SUPT3H: variants seen among roughly 807,000 people sequenced by gnomAD.
SUPT3H encodes the protein SPT3 homolog, SAGA and STAGA complex component.
In SUPT3H, 44 loss-of-function variants were observed where a neutral mutation model predicts 44.3. That is an observed-to-expected ratio of 0.99 (90% CI 0.78 to 1.28). The LOEUF (loss-of-function observed/expected upper bound fraction) is 1.28. Ranked by LOEUF, SUPT3H falls within the 50% of genes most tolerant of loss-of-function variation. The probability of loss-of-function intolerance (pLI) is 0.00; values close to 1 mark genes in which losing one functional copy is unlikely to be tolerated. For synonymous variants in SUPT3H, 124 were observed against 125.6 expected, an observed-to-expected ratio of 0.99 and a Z score of 0.09; for missense variants, 380 against 387.1, an observed-to-expected ratio of 0.98 and a Z score of 0.15.
intron 3 of SUPT3H, among the ~76,000 whole-genome samples, chr6:45,037,268 G>C (rs1446151225): frequency 4.0e-5 from 6 of 151,734 alleles, no homozygotes; most frequent in Admixed American, 3.3e-4. Context: ...TGCAGTGGAA[G>C]GGGGTAAGAA....
At chr6:44,889,509 G>C (rs1582256210) in intron 10 of SUPT3H, among the ~76,000 whole-genome samples, 1 of 152,242 alleles carries the variant, frequency 6.6e-6, no homozygotes, top group African/African-American at 2.4e-5. Flanking sequence ...TAAGCAATGG[G>C]GAAAGGAATC....
chr6:44,987,220 T>C (rs2153494304), intron 6 of SUPT3H, among the ~76,000 whole-genome samples: 2 of 143,364 alleles, frequency 1.4e-5, no homozygotes, highest in Middle Eastern at 3.9e-3. Context: ...CCTAATTAAC[T>C]CCCAAAGGTC....
intron 2 of SUPT3H, among the ~76,000 whole-genome samples, chr6:45,314,217 C>T (rs569206340): frequency 2.2e-4 from 34 of 152,234 alleles, no homozygotes; most frequent in African/African-American, 7.7e-4. Context: ...AAAGTATTCC[C>T]CCTGAGAATG....
chr6:45,373,548 T>C (rs553863894), intron 1 of SUPT3H, among the ~76,000 whole-genome samples: 50 of 151,162 alleles, frequency 3.3e-4, no homozygotes, highest in Non-Finnish European at 6.8e-4. Flanking sequence ...ATATTATTTG[T>C]GTGTGTGTGT....
chr6:45,220,040 C>CAAAAAAAAA (rs67960187), intron 2 of SUPT3H, among the ~76,000 whole-genome samples: 5 of 33,022 alleles, frequency 1.5e-4, no homozygotes, highest in African/African-American at 7.1e-4. Context: ...GACTCTGTCT[C>CAAAAAAAAA]AAAAAAAAAA....
At chr6:44,900,998 C>G (rs181300414) in intron 10 of SUPT3H, among the ~76,000 whole-genome samples, 2 of 152,106 alleles carry the variant, frequency 1.3e-5, no homozygotes, top group African/African-American at 4.8e-5. Context: ...ACAGAAGGAA[C>G]ATCCACACCA....
intron 10 of SUPT3H, among the ~76,000 whole-genome samples, chr6:44,893,603 T>G (rs1763660265): frequency 6.6e-6 from 1 of 152,198 alleles, no homozygotes; most frequent in South Asian, 2.1e-4. Context: ...TGCCACATTT[T>G]CTTAATCCAG....
chr6:45,285,975 G>A (rs1363554451), intron 2 of SUPT3H, among the ~76,000 whole-genome samples: 1 of 134,164 alleles, frequency 7.5e-6, no homozygotes, highest in Non-Finnish European at 1.6e-5. Flanking sequence ...TGACAAACGT[G>A]ACAAAAACAA....
chr6:45,185,033 C>A (rs1813947944), intron 2 of SUPT3H, among the ~76,000 whole-genome samples: 1 of 152,074 alleles, frequency 6.6e-6, no homozygotes, highest in Admixed American at 6.6e-5. Flanking sequence ...GGAAGTTTGG[C>A]AGGCTAATTT....
At chr6:44,935,112 T>C (rs866663616) in intron 9 of SUPT3H, among the ~76,000 whole-genome samples, 3 of 152,208 alleles carry the variant, frequency 2.0e-5, no homozygotes, top group Non-Finnish European at 2.9e-5. Flanking sequence ...TTATACTTTC[T>C]TGATTTGCTC....
chr6:45,284,011 T>G (rs1778701434), intron 2 of SUPT3H, among the ~76,000 whole-genome samples: 1 of 151,566 alleles, frequency 6.6e-6, no homozygotes, highest in South Asian at 2.1e-4. Context: ...AAATATGAAA[T>G]GAAAACAGAA....
chr6:45,202,098 G>A (rs1010369446), intron 2 of SUPT3H, among the ~76,000 whole-genome samples: 1 of 151,750 alleles, frequency 6.6e-6, no homozygotes, highest in African/African-American at 2.4e-5. Context: ...ATATTAAGGT[G>A]ACTTCATTTT....
chr6:45,132,525 A>G (rs1209894345), intron 2 of SUPT3H, among the ~76,000 whole-genome samples: 2 of 152,104 alleles, frequency 1.3e-5, no homozygotes, highest in African/African-American at 4.8e-5. Context: ...CTTTCCTGAA[A>G]CCAACACATT....
chr6:44,837,832 A>AT (rs1176111108), intron 10 of SUPT3H, among the ~76,000 whole-genome samples: 3 of 152,034 alleles, frequency 2.0e-5, no homozygotes, highest in South Asian at 2.1e-4. Flanking sequence ...AGATAATATA[A>AT]TTTTTTTTAC....
chr6:44,960,899 TA>T (rs1775932787), intron 7 of SUPT3H, among the ~76,000 whole-genome samples: 1 of 152,212 alleles, frequency 6.6e-6, no homozygotes, highest in Non-Finnish European at 1.5e-5. Context: ...TTGCACTTTA[TA>T]ATCTATAAAT....
In SUPT3H at chr6:45,105,802, T is replaced by C. The variant is rs1243366860; in HGVS notation, c.186+120A>G. ...AATTTTGTTATATATAAAGTATACT[T>C]CAATAATGCTAACAAAAAAGAATTC... On this transcript the variant is annotated intron_variant, in intron 3 of 10. Coordinates refer to ENST00000371459, the MANE Select transcript of SUPT3H (RefSeq NM_003599.4). 4.1e-6 allele frequency: 3 copies of C among 729,570 alleles called. No homozygotes were observed. In the African/African-American group the frequency reaches 5.3e-5, roughly 13 times the overall value. The allele number at this position is 729,570 out of a possible 1,614,324, so 45.2% of individuals were successfully genotyped here. A position where few individuals can be genotyped will look rare whatever the true frequency, so the allele number is the denominator to read the frequency against.
chr6:44,912,283 G>T (rs1227200648), intron 10 of SUPT3H, among the ~76,000 whole-genome samples: 1 of 152,054 alleles, frequency 6.6e-6, no homozygotes, highest in Non-Finnish European at 1.5e-5. Context: ...CTTTCTGCCT[G>T]TGTGAATTTG....
At chr6:45,311,488 G>A (rs1285563926) in intron 2 of SUPT3H, among the ~76,000 whole-genome samples, 3 of 152,134 alleles carry the variant, frequency 2.0e-5, no homozygotes, top group African/African-American at 7.2e-5. Flanking sequence ...ATCACAAAAA[G>A]ATCAATGTCT....
intron 2 of SUPT3H, among the ~76,000 whole-genome samples, chr6:45,149,792 A>G (rs1173469372): frequency 2.0e-5 from 3 of 152,224 alleles, no homozygotes; most frequent in Non-Finnish European, 4.4e-5. Context: ...CTCTATGTTT[A>G]GTATTAAATA....
Sources: allele counts gnomAD v4.1 joint callset (sites outside exome capture counted in the v4.1 genomes callset), GRCh38; gene constraint gnomAD v4.1.1; transcripts MANE v1.5; gene names NCBI Gene and HGNC (gene_info 2026-07-23, HGNC 2026-07-21).